The following VEGFC variants were observed in gnomAD, a reference collection of about 807,000 sequenced individuals.
VEGFC encodes the protein vascular endothelial growth factor C, also known as FLT4 ligand DHM.
A neutral mutation model predicts 46.1 loss-of-function variants in VEGFC; 12 were observed. The observed-to-expected ratio is 0.26, with a 90% CI of 0.17 to 0.42. The LOEUF (loss-of-function observed/expected upper bound fraction) is 0.42, where lower values mean the gene tolerates loss of function less well. Among genes scored for constraint, VEGFC ranks in the 10% least tolerant of loss-of-function variants. The pLI, the probability that VEGFC is intolerant of heterozygous loss-of-function variation, is 1.00. For synonymous variants in VEGFC, 232 were observed against 195.5 expected (o/e 1.19, Z -1.56); for missense variants, 488 against 529.4 (o/e 0.92, Z 0.77).
At chr4:176,744,858 T>C (rs1425645235) in intron 1 of VEGFC, among the ~76,000 whole-genome samples, 1 of 152,048 alleles carries the variant, frequency 6.6e-6, no homozygotes, top group Non-Finnish European at 1.5e-5. Flanking sequence ...CAAGCCCATA[T>C]GCTTATGATT....
intron 4 of VEGFC, among the ~76,000 whole-genome samples, chr4:176,688,736 GCTAC>G (rs1262971450): frequency 6.6e-6 from 1 of 151,978 alleles, no homozygotes; most frequent in Non-Finnish European, 1.5e-5. Context: ...CCCCACTGTT[GCTAC>G]CTGAGACCCC....
In VEGFC at chr4:176,691,329, T is replaced by C. The variant is rs935814037; in HGVS notation, c.705-3402A>G. On this transcript the variant is annotated intron_variant, in intron 4 of 6. Coordinates refer to ENST00000618562, the MANE Select transcript of VEGFC (RefSeq NM_005429.5). Reference sequence around the variant, plus strand: ...AAGGTTTATAATTATGTTTTTTGTATAGTGTATTTATAAAAGACATTGATT... The same window carrying C: ...AAGGTTTATAATTATGTTTTTTGTACAGTGTATTTATAAAAGACATTGATT... 3.5e-4 allele frequency among the ~76,000 whole-genome samples: 54 copies of C among 152,218 alleles called. 1 individual carries two copies. The highest frequency in any genetic ancestry group is 3.5e-3 in the Admixed American group (53 of 15,280).
chr4:176,778,778 C>G (rs1366713501), intron 1 of VEGFC, among the ~76,000 whole-genome samples: 2 of 152,098 alleles, frequency 1.3e-5, no homozygotes, highest in Non-Finnish European at 2.9e-5. Flanking sequence ...CTAAACACCC[C>G]CTAGTTTGCA....
At chr4:176,763,786 T>C (rs1239278021) in intron 1 of VEGFC, among the ~76,000 whole-genome samples, 1 of 152,162 alleles carries the variant, frequency 6.6e-6, no homozygotes, top group African/African-American at 2.4e-5. Context: ...TATGTGATGG[T>C]TATTGTAATC....
intron 1 of VEGFC, among the ~76,000 whole-genome samples, chr4:176,777,715 A>G (rs897605705): frequency 1.5e-4 from 22 of 149,342 alleles, no homozygotes; most frequent in African/African-American, 4.6e-4. Context: ...AGGTCAGGAG[A>G]TCGAGACCAT....
intron 3 of VEGFC, among the ~76,000 whole-genome samples, chr4:176,725,009 G>A (rs1179245983): frequency 6.6e-6 from 1 of 152,088 alleles, no homozygotes; most frequent in Non-Finnish European, 1.5e-5. Context: ...TAGTACATCA[G>A]GGAAATTGGA....
At chr4:176,766,261 GAACA>G (rs765387142) in intron 1 of VEGFC, among the ~76,000 whole-genome samples, 1 of 152,112 alleles carries the variant, frequency 6.6e-6, no homozygotes, top group Non-Finnish European at 1.5e-5. Context: ...TGATATTAAA[GAACA>G]AACTGTAGGT....
intron 1 of VEGFC, among the ~76,000 whole-genome samples, chr4:176,738,830 T>A (rs1377462666): frequency 6.6e-6 from 1 of 151,824 alleles, no homozygotes; most frequent in African/African-American, 2.4e-5. Context: ...ATCCAGAGTC[T>A]ACAAGGAACT....
At chr4:176,762,303 T>C (rs1215297000) in intron 1 of VEGFC, among the ~76,000 whole-genome samples, 4 of 152,116 alleles carry the variant, frequency 2.6e-5, no homozygotes, top group African/African-American at 9.7e-5. Flanking sequence ...TTTGCCCAGA[T>C]TGGTGGGTTT....
At chr4:176,783,371 T>A (rs1735946788) in intron 1 of VEGFC, among the ~76,000 whole-genome samples, 1 of 152,218 alleles carries the variant, frequency 6.6e-6, no homozygotes, top group African/African-American at 2.4e-5. Flanking sequence ...ATATTTTAGG[T>A]ATTCTGTGAT....
intron 1 of VEGFC, among the ~76,000 whole-genome samples, chr4:176,746,927 A>G (rs373939467): frequency 3.9e-5 from 6 of 152,126 alleles, no homozygotes; most frequent in African/African-American, 1.4e-4. Context: ...GCAGAAATTT[A>G]CTCATTGCTT....
intron 4 of VEGFC, 73 bp from the exon 5 acceptor site, chr4:176,688,000 G>GT (rs1734077329): frequency 1.3e-6 from 1 of 748,628 alleles, no homozygotes; most frequent in East Asian, 2.7e-5. Context: ...GCTCACATAT[G>GT]TATCAAAATA....
At chr4:176,771,932 G>A (rs1204266393) in intron 1 of VEGFC, among the ~76,000 whole-genome samples, 2 of 152,132 alleles carry the variant, frequency 1.3e-5, no homozygotes, top group East Asian at 1.9e-4. Flanking sequence ...ATTTTCATAT[G>A]ACACTTGTGT....
At chr4:176,684,798 T>A (rs1251158316) in intron 6 of VEGFC, among the ~76,000 whole-genome samples, 1 of 152,222 alleles carries the variant, frequency 6.6e-6, no homozygotes, top group African/African-American at 2.4e-5. Context: ...CAATCTCAGC[T>A]TACTGCAACC....
At chr4:176,786,847 C>A (rs1046128744) in intron 1 of VEGFC, among the ~76,000 whole-genome samples, 4 of 152,122 alleles carry the variant, frequency 2.6e-5, no homozygotes, top group African/African-American at 4.8e-5. Context: ...CCTGGATTAC[C>A]TTTCCCTGCC....
chr4:176,728,423 T>C (rs993470553), intron 2 of VEGFC, among the ~76,000 whole-genome samples: 13 of 152,176 alleles, frequency 8.5e-5, no homozygotes, highest in Non-Finnish European at 1.6e-4. Flanking sequence ...AGAAGACAGC[T>C]ATGGTTTTAG....
At chr4:176,689,648 C>T (rs1734112717) in intron 4 of VEGFC, 1 of 152,156 alleles carries the variant, frequency 6.6e-6, no homozygotes, top group Non-Finnish European at 1.5e-5. Flanking sequence ...CTTCAAGAGT[C>T]ATTTCTCCTT....
chr4:176,695,869 C>G lies in VEGFC; in HGVS notation c.705-7942G>C, dbSNP rs901278977. On this transcript the variant is annotated intron_variant, in intron 4 of 6. Coordinates refer to ENST00000618562, the MANE Select transcript of VEGFC (RefSeq NM_005429.5). ...AATGTAATCCAGCATATAAACAGAG[C>G]CAAAGACAAAAACCACATGATTATC... Among the ~76,000 whole-genome samples, 165 of 151,834 alleles carry G rather than the reference C, an allele frequency of 1.1e-3. 1 individual carries two copies. Among genetic ancestry groups the G allele is most frequent in the Non-Finnish European group, 1.3e-4 (9 of 67,974 alleles).
chr4:176,792,365 G>C lies in VEGFC; in HGVS notation c.-54C>G. The C allele has an allele frequency of 1.5e-6, 2 of 1,353,704 alleles. No homozygotes were observed. Among genetic ancestry groups the C allele is most frequent in the Non-Finnish European group, 1.9e-6 (2 of 1,040,508 alleles). The allele number at this position is 1,353,704 out of a possible 1,614,324, so 83.9% of individuals were successfully genotyped here. A position where few individuals can be genotyped will look rare whatever the true frequency, so the allele number is the denominator to read the frequency against. On this transcript the variant is annotated 5_prime_UTR_variant, in exon 1 of 7. Transcript: ENST00000618562. The surrounding 1 kb of genome is among the most constrained non-coding windows in gnomAD (Gnocchi z 6.3). ...TCCGCTGGCGGGGGCAGGGGTGGGG[G>C]CGCGGGCGCCCCTGCGAGGCCGCGG...
Sources: gnomAD v4.1 joint callset for allele counts (sites outside exome capture counted in the v4.1 genomes callset) on GRCh38, gnomAD v4.1.1 for gene constraint, Gnocchi (gnomAD v3.1) non-coding constraint, MANE v1.5 for transcripts, NCBI Gene and HGNC (gene_info 2026-07-23, HGNC 2026-07-21) for gene names.